The following NRF1 variants were observed in gnomAD, a reference collection of about 807,000 sequenced individuals.
NRF1 encodes nuclear respiratory factor 1.
A neutral mutation model predicts 58.5 loss-of-function variants in NRF1; 5 were observed. The observed-to-expected ratio is 0.09, with a 90% CI of 0.04 to 0.18. NRF1 has a LOEUF of 0.18. NRF1 is among the 10% of genes least tolerant of loss of function. The pLI, the probability that NRF1 is intolerant of heterozygous loss-of-function variation, is 1.00. For missense variants in NRF1, 288 were observed against 657.7 expected, an observed-to-expected ratio of 0.44 and a Z score of 6.15; for synonymous variants, 224 against 246.7, an observed-to-expected ratio of 0.91 and a Z score of 0.86.
chr7:129,732,463 T>G (rs971642692), intron 10 of NRF1, among the ~76,000 whole-genome samples: 27 of 152,340 alleles, frequency 1.8e-4, no homozygotes, highest in African/African-American at 6.5e-4. Flanking sequence ...ATAAGCCTCT[T>G]AGCAGAGCTG....
At chr7:129,713,648 C>T (rs1222823479) in intron 8 of NRF1, among the ~76,000 whole-genome samples, 1 of 152,190 alleles carries the variant, frequency 6.6e-6, no homozygotes, top group Non-Finnish European at 1.5e-5. Context: ...CTCCCCTTTC[C>T]CTTAAGGAGC....
At chr7:129,632,372 A>T (rs1801068986) in intron 1 of NRF1, among the ~76,000 whole-genome samples, 1 of 152,214 alleles carries the variant, frequency 6.6e-6, no homozygotes, top group Non-Finnish European at 1.5e-5. Flanking sequence ...GTTAAGTCCT[A>T]CTGTTTTTAG....
At chr7:129,751,722 G>A (rs1039353787) in intron 10 of NRF1, among the ~76,000 whole-genome samples, 12 of 152,246 alleles carry the variant, frequency 7.9e-5, no homozygotes, top group African/African-American at 1.9e-4. Context: ...CCAGAGGCAA[G>A]AGCAGTGAAA....
chr7:129,737,690 G>T (rs1425717004), intron 10 of NRF1, among the ~76,000 whole-genome samples: 2 of 152,116 alleles, frequency 1.3e-5, no homozygotes, highest in African/African-American at 4.8e-5. Flanking sequence ...CCCCAAAAAG[G>T]TTGCTGATGT....
intron 1 of NRF1, among the ~76,000 whole-genome samples, chr7:129,622,039 C>T (rs1279228203): frequency 6.6e-6 from 1 of 151,942 alleles, no homozygotes; most frequent in Non-Finnish European, 1.5e-5. Context: ...CCTCGGCCTC[C>T]CAAAGTGCTG....
chr7:129,616,017 T>C (rs1173993236), intron 1 of NRF1, among the ~76,000 whole-genome samples: 1 of 152,110 alleles, frequency 6.6e-6, no homozygotes, highest in African/African-American at 2.4e-5. Context: ...TCAAGAAAAA[T>C]AAGTGGATTG....
intron 4 of NRF1, 51 bp downstream of exon 4, chr7:129,677,809 C>A: frequency 6.2e-7 from 1 of 1,604,136 alleles, no homozygotes; most frequent in Non-Finnish European, 8.5e-7. Flanking sequence ...CTGTCGGCTG[C>A]TTCCATTCTT....
At position 129,711,487 on chromosome 7, in the gene NRF1, G is replaced by T; in HGVS notation, c.976G>T (p.Ala326Ser). Reference protein sequence around the residue: ...TVSLIQVGTGATVATLADASE... With the variant: ...TVSLIQVGTGSTVATLADASE... ...TATTTTTCTTTAGGTTGGTACGGGGGCAACAGTAGCCACATTGGCTGATGC... is the reference window on the plus strand; with the variant it reads ...TATTTTTCTTTAGGTTGGTACGGGGTCAACAGTAGCCACATTGGCTGATGC... The change falls in exon 8 of 11, where the codon GCA becomes TCA. Residue 326 changes from alanine (A) to serine (S), a missense_variant. Physicochemically the swap from Ala to Ser is moderately conservative, Grantham distance 99 (BLOSUM62 1). Transcript: ENST00000393232. The T allele has an allele frequency of 6.2e-7, 1 of 1,611,224 alleles. No individual in the cohort carries two copies. The highest frequency in any genetic ancestry group is 8.5e-7 in the Non-Finnish European group (1 of 1,178,674).
In NRF1 at chr7:129,753,639, G is replaced by A. The variant is rs569042549; in HGVS notation, c.1349-1379G>A. 3.5e-4 allele frequency among the ~76,000 whole-genome samples: 53 copies of A among 152,044 alleles called. 1 individual carries two copies. In the South Asian group the frequency reaches 0.011, roughly 30 times the overall value. On this transcript the variant is annotated intron_variant, in intron 10 of 10. Transcript: ENST00000393232. ...TTATCAGCTTTCCCTTTTTAGGCAG[G>A]ACTACCTTTATGGAGGTTATGTGCT...
intron 10 of NRF1, among the ~76,000 whole-genome samples, chr7:129,739,130 A>C (rs750744222): frequency 5.3e-5 from 8 of 152,248 alleles, no homozygotes; most frequent in Non-Finnish European, 1.2e-4. Context: ...CTAAATCTGT[A>C]CTGTCCAGTA....
chr7:129,619,242 C>T (rs1006164981), intron 1 of NRF1, among the ~76,000 whole-genome samples: 2 of 150,414 alleles, frequency 1.3e-5, no homozygotes, highest in African/African-American at 4.9e-5. Flanking sequence ...GGAAGTTAGC[C>T]GTGTGAAATA....
rs913154460 is a variant in NRF1, at chr7:129,622,534, A to G, written c.-7+10710A>G. On this transcript the variant is annotated intron_variant, in intron 1 of 10. Coordinates refer to ENST00000393232, the MANE Select transcript of NRF1 (RefSeq NM_005011.5). ...AATTCTACAATGCAAAGATACTTTA[A>G]TATGCATGGTTTAGATATTTTTCTT... 9.9e-5 allele frequency among the ~76,000 whole-genome samples: 15 copies of G among 151,686 alleles called. 1 individual carries two copies. The highest frequency in any genetic ancestry group is 1.6e-4 in the Non-Finnish European group (11 of 67,886).
intron 4 of NRF1, among the ~76,000 whole-genome samples, chr7:129,683,633 A>ATT (rs36101502): frequency 0.017 from 2,005 of 117,402 alleles, 46 homozygotes; most frequent in Non-Finnish European, 0.022. Context: ...ACTGGCCGGA[A>ATT]TTTTTTTTTT....
chr7:129,691,736 C>T (rs1041967842), intron 5 of NRF1, among the ~76,000 whole-genome samples: 4 of 152,132 alleles, frequency 2.6e-5, no homozygotes, highest in Admixed American at 2.6e-4. Flanking sequence ...CAGTCTTCAG[C>T]AGCATTTGAC....
chr7:129,641,686 A>G (rs1011835501), intron 1 of NRF1: 2 of 151,962 alleles, frequency 1.3e-5, no homozygotes, highest in African/African-American at 2.4e-5. Flanking sequence ...ATTTTTATTT[A>G]TTTATTTTTT....
At position 129,741,182 on chromosome 7, in the gene NRF1, C is replaced by T. The variant is rs1261269017; in HGVS notation, c.1348+13817C>T. 6.6e-6 allele frequency among the ~76,000 whole-genome samples: 1 copy of T among 152,178 alleles called. No individual in the cohort carries two copies. Among genetic ancestry groups the T allele is most frequent in the Non-Finnish European group, 1.5e-5 (1 of 68,028 alleles). ...ATGAGCCAGCACACCATCCTATGAA[C>T]AGAACACCAATCTGAGCCAGGGACA... On this transcript the variant is annotated intron_variant, in intron 10 of 10. Coordinates refer to ENST00000393232, the MANE Select transcript of NRF1 (RefSeq NM_005011.5). The surrounding 1 kb of genome is among the most constrained non-coding windows in gnomAD (Gnocchi z 4.0).
At chr7:129,692,754 G>A (rs1274464158) in intron 5 of NRF1, among the ~76,000 whole-genome samples, 3 of 152,132 alleles carry the variant, frequency 2.0e-5, no homozygotes, top group Middle Eastern at 3.4e-3. Context: ...ACTGGGCTGC[G>A]GCCACTGTAG....
intron 8 of NRF1, among the ~76,000 whole-genome samples, chr7:129,715,095 C>T (rs1803157424): frequency 6.6e-6 from 1 of 152,180 alleles, no homozygotes; most frequent in African/African-American, 2.4e-5. Context: ...ATTTATTGAG[C>T]AAAACGGACT....
At chr7:129,643,231 G>T (rs1346579553) in intron 1 of NRF1, among the ~76,000 whole-genome samples, 1 of 152,148 alleles carries the variant, frequency 6.6e-6, no homozygotes, top group Non-Finnish European at 1.5e-5. Flanking sequence ...GAGCTGTCCT[G>T]CAGAAGCTAG....
Sources: allele counts gnomAD v4.1 joint callset (sites outside exome capture counted in the v4.1 genomes callset), GRCh38; gene constraint gnomAD v4.1.1; non-coding constraint Gnocchi (gnomAD v3.1); transcripts MANE v1.5; gene names NCBI Gene and HGNC (gene_info 2026-07-23, HGNC 2026-07-21).